Variants in UBE3D observed in about 807,000 individuals in gnomAD.
UBE3D encodes E3 ubiquitin-protein ligase E3D.
UBE3D carries 48 observed loss-of-function variants against 49.6 expected under a neutral mutation model. The observed-to-expected ratio is 0.97, with a 90% CI of 0.77 to 1.23. The LOEUF (loss-of-function observed/expected upper bound fraction) is 1.23. UBE3D is among the 50% of genes most tolerant of loss of function. The pLI, the probability that UBE3D is intolerant of heterozygous loss-of-function variation, is 0.00. For missense variants in UBE3D, 452 were observed against 468.4 expected (o/e 0.96, Z 0.32); for synonymous variants, 189 against 174.2 (o/e 1.08, Z -0.67).
the UBE3D span, among the ~76,000 whole-genome samples, chr6:82,881,730 A>C: frequency 2.0e-5 from 3 of 152,170 alleles, no homozygotes; most frequent in African/African-American, 7.2e-5. Flanking sequence ...TGTGATTAAC[A>C]GTTCATGCGG....
At chr6:82,995,219 T>C (rs921013788) in intron 8 of UBE3D, among the ~76,000 whole-genome samples, 19 of 152,086 alleles carry the variant, frequency 1.2e-4, no homozygotes, top group East Asian at 7.8e-4. Context: ...ACGCTAAGGA[T>C]TGAGAAAAAG....
chr6:82,983,960 G>A (rs1484599996), intron 8 of UBE3D, among the ~76,000 whole-genome samples: 1 of 151,978 alleles, frequency 6.6e-6, no homozygotes, highest in Non-Finnish European at 1.5e-5. Flanking sequence ...TTTAGAGATG[G>A]TTTAAATCAT....
intron 1 of UBE3D, 57 bp from the exon 2 acceptor site, chr6:83,058,079 T>A (rs1016683970): frequency 3.2e-6 from 5 of 1,563,494 alleles, no homozygotes; most frequent in Admixed American, 3.5e-5. Flanking sequence ...AACCACATGA[T>A]GAAAGAAACA....
At chr6:83,047,468 C>G (rs935989459) in intron 3 of UBE3D, among the ~76,000 whole-genome samples, 7 of 152,204 alleles carry the variant, frequency 4.6e-5, no homozygotes, top group African/African-American at 1.7e-4. Flanking sequence ...GCTCCCGTAC[C>G]TCCCTGATGT....
chr6:82,953,857 G>T (rs554390271), intron 9 of UBE3D, among the ~76,000 whole-genome samples: 8 of 152,228 alleles, frequency 5.3e-5, no homozygotes, highest in African/African-American at 1.9e-4. Context: ...ATGTGAAGAA[G>T]GGGGGTCAGG....
At chr6:83,061,608 C>T (rs753779911) in intron 1 of UBE3D, among the ~76,000 whole-genome samples, 32 of 152,322 alleles carry the variant, frequency 2.1e-4, no homozygotes, top group Non-Finnish European at 4.0e-4. Context: ...GTCCATAAGG[C>T]ACAGTGGTAT....
chr6:82,953,730 C>T (rs1317792617), intron 9 of UBE3D, among the ~76,000 whole-genome samples: 4 of 152,226 alleles, frequency 2.6e-5, no homozygotes, highest in Non-Finnish European at 5.9e-5. Context: ...TTCCCCCATT[C>T]ATTCAGTCAA....
intron 8 of UBE3D, among the ~76,000 whole-genome samples, chr6:82,982,096 G>T (rs2127719883): frequency 6.6e-6 from 1 of 152,108 alleles, no homozygotes; most frequent in Non-Finnish European, 1.5e-5. Flanking sequence ...ATATACAAAA[G>T]TATAAATCAC....
intron 8 of UBE3D, 124 bp from the exon 9 acceptor site, chr6:82,957,574 T>C (rs920175428): frequency 4.9e-5 from 57 of 1,164,642 alleles, no homozygotes; most frequent in South Asian, 7.0e-5. Context: ...AGAAATAAAC[T>C]ATATTAAAAA....
At chr6:83,040,378 ACT>A (rs59340440) in intron 4 of UBE3D, among the ~76,000 whole-genome samples, 2,464 of 146,700 alleles carry the variant, frequency 0.017, 27 homozygotes, top group Non-Finnish European at 0.023. Flanking sequence ...AGCGAGACTG[ACT>A]CTCTCTCTCT....
chr6:82,897,663 A>G (rs1264460829), intron 9 of UBE3D, among the ~76,000 whole-genome samples: 1 of 152,250 alleles, frequency 6.6e-6, no homozygotes, highest in African/African-American at 2.4e-5. Context: ...CTTTACAAAC[A>G]TACAATATAA....
chr6:82,921,704 C>G (rs1242603566), intron 9 of UBE3D, among the ~76,000 whole-genome samples: 2 of 152,110 alleles, frequency 1.3e-5, no homozygotes, highest in African/African-American at 2.4e-5. Context: ...AATTTTCACA[C>G]TATTTATGGG....
chr6:82,884,128 T>C, the UBE3D span, among the ~76,000 whole-genome samples: 4 of 152,220 alleles, frequency 2.6e-5, no homozygotes, highest in African/African-American at 4.8e-5. Flanking sequence ...TTAGAAACTA[T>C]AATTATAGGC....
chr6:82,998,651 T>A (rs973187565), intron 8 of UBE3D, among the ~76,000 whole-genome samples: 8 of 152,192 alleles, frequency 5.3e-5, no homozygotes, highest in Non-Finnish European at 7.3e-5. Context: ...CTTAAAAAAA[T>A]TTTTTAAGAA....
chr6:83,064,428 A>G (rs1035632118), intron 1 of UBE3D, among the ~76,000 whole-genome samples: 1 of 152,050 alleles, frequency 6.6e-6, no homozygotes, highest in African/African-American at 2.4e-5. Context: ...GGGTTTCACC[A>G]TGTTGGCCAG....
intron 8 of UBE3D, among the ~76,000 whole-genome samples, chr6:83,002,740 C>T (rs1192014093): frequency 6.6e-6 from 1 of 152,200 alleles, no homozygotes; most frequent in Non-Finnish European, 1.5e-5. Context: ...GCCTTCCATC[C>T]CTTCTATCCT....
chr6:82,937,668 C>T (rs1216043890), intron 9 of UBE3D, among the ~76,000 whole-genome samples: 2 of 152,094 alleles, frequency 1.3e-5, no homozygotes, highest in African/African-American at 4.8e-5. Flanking sequence ...ATAAATGTTT[C>T]AATGTGCACC....
chr6:83,052,016 G>A (rs761744127), intron 3 of UBE3D, among the ~76,000 whole-genome samples: 6 of 152,214 alleles, frequency 3.9e-5, no homozygotes, highest in Non-Finnish European at 8.8e-5. Context: ...GCCTGATGCT[G>A]AGGAGGATGA....
intron 8 of UBE3D, among the ~76,000 whole-genome samples, chr6:83,004,822 C>T (rs570958066): frequency 2.0e-5 from 3 of 152,118 alleles, no homozygotes; most frequent in Admixed American, 6.5e-5. Context: ...AAGACAATTT[C>T]CTCTAAATCT....
Sources: gnomAD v4.1 joint callset for allele counts (sites outside exome capture counted in the v4.1 genomes callset) on GRCh38, gnomAD v4.1.1 for gene constraint, MANE v1.5 for transcripts, NCBI Gene and HGNC (gene_info 2026-07-23, HGNC 2026-07-21) for gene names.